TECPR2: variants seen among roughly 807,000 people sequenced by gnomAD.
The protein encoded by TECPR2 is tectonin beta-propeller repeat-containing protein 2.
TECPR2 carries 65 observed loss-of-function variants against 138.1 expected under a neutral mutation model. The ratio of observed to expected loss-of-function variants is 0.47; its 90% CI spans 0.39 to 0.58. The LOEUF (loss-of-function observed/expected upper bound fraction) is 0.58. Among genes scored for constraint, TECPR2 ranks in the 20% least tolerant of loss-of-function variants. TECPR2 has a pLI of 0.00. For missense variants in TECPR2, 1,553 were observed against 1,824.5 expected (o/e 0.85, Z 2.71); for synonymous variants, 746 against 749.8 (o/e 0.99, Z 0.08).
In TECPR2 at chr14:102,406,870, T is replaced by C. The variant is rs183102927; in HGVS notation, c.220-468T>C. 1.7e-3 allele frequency among the ~76,000 whole-genome samples: 262 copies of C among 152,246 alleles called. 3 individuals carry two copies. Among genetic ancestry groups the C allele is most frequent in the South Asian group, 1.2e-3 (6 of 4,820 alleles). On this transcript the variant is annotated intron_variant, in intron 2 of 19. Transcript: ENST00000359520. ...TGGTTTTTTTGTTGTTGTTGTTTCT[T>C]GTTTTTTGAGACAGAGTCTTGCTCT...
chr14:102,490,563 G>A (rs562617884), intron 17 of TECPR2, among the ~76,000 whole-genome samples: 1 of 152,216 alleles, frequency 6.6e-6, no homozygotes, highest in Non-Finnish European at 1.5e-5. Context: ...CGAGTCACCC[G>A]ACATCTGTGG....
chr14:102,369,320 C>A (rs1325731643), intron 1 of TECPR2, among the ~76,000 whole-genome samples: 2 of 152,126 alleles, frequency 1.3e-5, no homozygotes, highest in Non-Finnish European at 2.9e-5. Flanking sequence ...CGGATGGATT[C>A]TTGAAAGCTA....
chr14:102,423,055 G>A (rs960972939), intron 5 of TECPR2, among the ~76,000 whole-genome samples: 50 of 152,192 alleles, frequency 3.3e-4, no homozygotes, highest in African/African-American at 1.2e-3. Flanking sequence ...GTCATATGGA[G>A]TACAGGTTTG....
At chr14:102,496,922 G>A in intron 17 of TECPR2, 57 bp from the exon 18 acceptor site, 1 of 1,596,010 alleles carries the variant, frequency 6.3e-7, no homozygotes, top group Middle Eastern at 1.7e-4. Context: ...GAAGTCTCCT[G>A]TCCTTTCTCT....
At chr14:102,444,444 C>T (rs572743362) in intron 12 of TECPR2, among the ~76,000 whole-genome samples, 1 of 152,168 alleles carries the variant, frequency 6.6e-6, no homozygotes, top group South Asian at 2.1e-4. Context: ...AAGCAATTCT[C>T]CTGCCTTGGC....
chr14:102,417,252 T>A (rs925538821), intron 5 of TECPR2, among the ~76,000 whole-genome samples: 17 of 152,348 alleles, frequency 1.1e-4, no homozygotes, highest in South Asian at 2.1e-4. Context: ...AACATCTGTG[T>A]CTTAAAGACT....
At chr14:102,447,966 G>A (rs1890030903) in intron 13 of TECPR2, among the ~76,000 whole-genome samples, 1 of 152,064 alleles carries the variant, frequency 6.6e-6, no homozygotes, top group Non-Finnish European at 1.5e-5. Flanking sequence ...AAAATGAGTT[G>A]TGTTTACTCT....
chr14:102,441,878 AG>A (rs1302608250), intron 11 of TECPR2, among the ~76,000 whole-genome samples: 2 of 152,226 alleles, frequency 1.3e-5, no homozygotes, highest in Non-Finnish European at 2.9e-5. Context: ...AGTATCTGGA[AG>A]GACTGTGGGG....
intron 9 of TECPR2, among the ~76,000 whole-genome samples, chr14:102,437,376 G>A (rs548409074): frequency 2.6e-5 from 4 of 152,072 alleles, no homozygotes; most frequent in East Asian, 1.9e-4. Flanking sequence ...GCGAAACCCC[G>A]TCTCTACTAA....
At chr14:102,375,506 G>A (rs911155896) in intron 1 of TECPR2, among the ~76,000 whole-genome samples, 1 of 152,172 alleles carries the variant, frequency 6.6e-6, no homozygotes, top group Non-Finnish European at 1.5e-5. Context: ...CCAAGTGGAC[G>A]GAACAGCCAA....
chr14:102,434,062 CA>C (rs1291860995), intron 8 of TECPR2, among the ~76,000 whole-genome samples, 172 bp from the exon 9 acceptor site: 8 of 152,190 alleles, frequency 5.3e-5, no homozygotes, highest in Admixed American at 3.3e-4. Flanking sequence ...TACTTGCATG[CA>C]TAGAAAGCAT....
intron 12 of TECPR2, among the ~76,000 whole-genome samples, chr14:102,444,160 T>A (rs929610275): frequency 3.9e-5 from 6 of 152,082 alleles, no homozygotes; most frequent in African/African-American, 1.4e-4. Context: ...TTTTCTTTAT[T>A]TTCATGCTAA....
intron 17 of TECPR2, among the ~76,000 whole-genome samples, chr14:102,469,144 C>G (rs1890611516): frequency 6.6e-6 from 1 of 152,112 alleles, no homozygotes; most frequent in African/African-American, 2.4e-5. Context: ...AAAATACTAA[C>G]TGGAATTTTG....
chr14:102,416,064 G>A (rs1023769560), intron 5 of TECPR2, among the ~76,000 whole-genome samples: 1 of 152,100 alleles, frequency 6.6e-6, no homozygotes, highest in African/African-American at 2.4e-5. Flanking sequence ...GTTAAAAGAC[G>A]CTCTCAAACC....
At chr14:102,494,528 CA>C (rs199619432) in intron 17 of TECPR2, among the ~76,000 whole-genome samples, 5 of 147,084 alleles carry the variant, frequency 3.4e-5, no homozygotes, top group Non-Finnish European at 7.5e-5. Flanking sequence ...CAGTGAGACT[CA>C]AAAAAAAACT....
intron 1 of TECPR2, among the ~76,000 whole-genome samples, chr14:102,366,626 C>T (rs940422629): frequency 1.3e-5 from 2 of 152,180 alleles, no homozygotes; most frequent in African/African-American, 2.4e-5. Context: ...GGATTACAGG[C>T]GTGAGCCATC....
chr14:102,483,962 G>A (rs79670654), intron 17 of TECPR2, among the ~76,000 whole-genome samples: 47,156 of 80,520 alleles, frequency 0.59, 15,724 homozygotes, highest in African/African-American at 0.69. Context: ...ATGCCTGGCT[G>A]ATTCTTATAT....
chr14:102,431,952 A>C lies in TECPR2; in HGVS notation c.1241A>C (p.Asn414Thr), dbSNP rs1889504990. 1 of 1,612,824 alleles carries C rather than the reference A, an allele frequency of 6.2e-7. No individual in the cohort carries two copies. ...SEPRSRSSSL[N>T]STDSGSGLLP... is the part of the protein sequence containing the mutation. ...CCAAGGAGCAGGAGCAGCTCGCTCA[A>C]CTCCACCGACAGCGGCTCCGGGCTC... Residue 414 changes from asparagine (N) to threonine (T), a missense_variant, in exon 8 of 20, where the codon AAC (asparagine) becomes ACC (threonine). By Grantham distance (65) the Asn-to-Thr change is moderately conservative. Transcript: ENST00000359520.
intron 1 of TECPR2, among the ~76,000 whole-genome samples, chr14:102,366,758 C>G (rs1887357123): frequency 6.6e-6 from 1 of 152,150 alleles, no homozygotes; most frequent in Admixed American, 6.5e-5. Flanking sequence ...TAGGATTTAC[C>G]TTGGTAAGCA....
Sources: gnomAD v4.1 joint callset for allele counts (sites outside exome capture counted in the v4.1 genomes callset) on GRCh38, gnomAD v4.1.1 for gene constraint, MANE v1.5 for transcripts, NCBI Gene and HGNC (gene_info 2026-07-23, HGNC 2026-07-21) for gene names.